Variants in POC5 observed in about 807,000 individuals in gnomAD.
The protein encoded by POC5 is POC5 centriolar protein, also known as centrosomal protein POC5.
Under a neutral mutation model 62.9 loss-of-function variants are expected in POC5, and 48 were observed. The ratio of observed to expected loss-of-function variants is 0.76; its 90% CI spans 0.61 to 0.97. The LOEUF (loss-of-function observed/expected upper bound fraction) is 0.97, where lower values mean the gene tolerates loss of function less well. Among genes scored for constraint, POC5 ranks in the 50% least tolerant of loss-of-function variants. The probability of loss-of-function intolerance (pLI) is 0.00; values close to 1 mark genes in which losing one functional copy is unlikely to be tolerated. For synonymous variants in POC5, 236 were observed against 228.2 expected (o/e 1.03, Z -0.31); for missense variants, 696 against 679.5 (o/e 1.02, Z -0.27).
chr5:75,674,408 A>C lies in POC5; in HGVS notation c.*27T>G. 6.2e-7 allele frequency: 1 copy of C among 1,609,368 alleles called. No individual in the cohort carries two copies. The highest frequency in any genetic ancestry group is 8.5e-7 in the Non-Finnish European group (1 of 1,177,522). ...ACCCTTGGTAAGACCAGAGGGATTAAAAGACCCCACTATGGACATATTCAC... is the reference window on the plus strand; with the variant it reads ...ACCCTTGGTAAGACCAGAGGGATTACAAGACCCCACTATGGACATATTCAC... On this transcript the variant is annotated 3_prime_UTR_variant, in exon 12 of 12. Transcript: ENST00000428202.
chr5:75,689,452 C>G (rs1776227035), intron 8 of POC5: 1 of 984,660 alleles, frequency 1.0e-6, no homozygotes, highest in South Asian at 4.7e-5. Flanking sequence ...AAAGATACAC[C>G]ATTTTTTACT....
intron 1 of POC5, among the ~76,000 whole-genome samples, chr5:75,715,328 AAAG>A (rs1207370696): frequency 7.3e-4 from 111 of 151,740 alleles, no homozygotes; most frequent in African/African-American, 2.5e-3. Flanking sequence ...AAAAAAAAAA[AAAG>A]AACTGCCCAA....
In POC5 at chr5:75,685,443, C is replaced by T; in HGVS notation, c.1171G>A (p.Gly391Ser). 1 of 1,613,170 alleles carries T rather than the reference C, an allele frequency of 6.2e-7. No individual in the cohort carries two copies. The highest frequency in any genetic ancestry group is 1.1e-5 in the South Asian group (1 of 91,076). ...GCAGAATGTTCTTTTCCTTGAACAC[C>T]AGGACCATACTCTTCCTTTTTATTA... ...TNNKKEEYGPGVQGKEHSAHL... is the reference protein window; with the variant it reads ...TNNKKEEYGPSVQGKEHSAHL... The change falls in exon 10 of 12, where the codon GGT (glycine) becomes AGT (serine). Residue 391 changes from glycine to serine, a missense_variant. Transcript: ENST00000428202.
rs545701894 is a variant in POC5 at position 75,674,369 on chromosome 5, C to T, written c.*66G>A. On this transcript the variant is annotated 3_prime_UTR_variant, in exon 12 of 12. Transcript: ENST00000428202. ...TTCTAACAATATGGAAAAGTTAAAA[C>T]CAAAAGACTTCTAACCCTTGGTAAG... The T allele has an allele frequency of 6.6e-6, 10 of 1,511,778 alleles. No homozygotes were observed. In the Admixed American group the frequency reaches 8.7e-5, roughly 13 times the overall value. 93.6% of individuals were successfully genotyped at this position (1,511,778 alleles called of 1,614,324 possible). A position where few individuals can be genotyped will look rare whatever the true frequency, so the allele number is the denominator to read the frequency against.
intron 4 of POC5, 50 bp from the exon 5 acceptor site, chr5:75,702,860 AG>A: frequency 7.0e-7 from 1 of 1,422,176 alleles, no homozygotes; most frequent in Non-Finnish European, 9.7e-7. Context: ...AAATAACTCA[AG>A]TTGGTAAGGA....
rs1777380793 is a variant in POC5, at chr5:75,712,335, A to C, written c.84+519T>G. 5 of 1,516,352 alleles carry C rather than the reference A, an allele frequency of 3.3e-6. No individual in the cohort carries two copies. In the East Asian group the frequency reaches 1.1e-4, roughly 34 times the overall value. The allele number at this position is 1,516,352 out of a possible 1,614,324, so 93.9% of individuals were successfully genotyped here. A position where few individuals can be genotyped will look rare whatever the true frequency, so the allele number is the denominator to read the frequency against. On this transcript the variant is annotated intron_variant, in intron 2 of 11. Coordinates refer to ENST00000428202, the MANE Select transcript of POC5 (RefSeq NM_001099271.2). ...ATATTTAGAAATAAGAGAAATTTAA[A>C]ACATTTCATGTAAATACCACACCCT...
At position 75,677,947 on chromosome 5, in the gene POC5, C is replaced by T. The variant is rs910460057; in HGVS notation, c.1411G>A (p.Val471Met). The change falls in exon 11 of 12, where the codon GTG (valine) becomes ATG (methionine). Residue 471 changes from valine to methionine, a missense_variant. Val to Met is a conservative substitution (Grantham distance 21, BLOSUM62 1). Transcript: ENST00000428202. Reference protein sequence around the residue: ...AATAASEEMYVPRVVTSAQQK... With the variant: ...AATAASEEMYMPRVVTSAQQK... Reference sequence around the variant, plus strand: ...TGTGCAGAGGTTACAACTCTTGGCACATACTAAGAAGAAAAAAAAATAAAA... The same window carrying T: ...TGTGCAGAGGTTACAACTCTTGGCATATACTAAGAAGAAAAAAAAATAAAA... 5 of 1,526,156 alleles carry T rather than the reference C, an allele frequency of 3.3e-6. No homozygotes were observed. The highest frequency in any genetic ancestry group is 1.3e-5 in the South Asian group (1 of 77,262). The allele number at this position is 1,526,156 out of a possible 1,614,324, so 94.5% of individuals were successfully genotyped here.
intron 1 of POC5, among the ~76,000 whole-genome samples, chr5:75,716,430 G>C (rs1388035377): frequency 6.7e-6 from 1 of 149,908 alleles, no homozygotes; most frequent in Non-Finnish European, 1.5e-5. Flanking sequence ...AGTAAGTATG[G>C]TCAGATCTCA....
chr5:75,703,671 TAGAA>T (rs1161920248), intron 4 of POC5, among the ~76,000 whole-genome samples: 1 of 152,072 alleles, frequency 6.6e-6, no homozygotes, highest in Non-Finnish European at 1.5e-5. Context: ...ACAATTTAAG[TAGAA>T]AGAGACTCAT....
chr5:75,674,719 C>T, intron 11 of POC5, 141 bp from the exon 12 acceptor site: 1 of 1,097,140 alleles, frequency 9.1e-7, no homozygotes, highest in Non-Finnish European at 1.3e-6. Context: ...AGTGAAGCAG[C>T]TGTTAATTAG....
At chr5:75,715,242 G>A (rs902307591) in intron 1 of POC5, among the ~76,000 whole-genome samples, 6 of 149,238 alleles carry the variant, frequency 4.0e-5, no homozygotes, top group Non-Finnish European at 8.9e-5. Context: ...CCCGGGAGGC[G>A]GAGCTCATAG....
intron 10 of POC5, 44 bp downstream of exon 10, chr5:75,685,163 G>A: frequency 6.5e-7 from 1 of 1,544,036 alleles, no homozygotes; most frequent in Non-Finnish European, 8.8e-7. Flanking sequence ...CACTGGGCCT[G>A]GCCGCCCTTT....
At position 75,674,417 on chromosome 5, in the gene POC5, A is replaced by G. The variant is rs374630611; in HGVS notation, c.*18T>C. 2.3e-5 allele frequency: 37 copies of G among 1,612,676 alleles called. No homozygotes were observed. Among genetic ancestry groups the G allele is most frequent in the Non-Finnish European group, 3.1e-5 (37 of 1,179,112 alleles). On this transcript the variant is annotated 3_prime_UTR_variant, in exon 12 of 12. Coordinates refer to ENST00000428202, the MANE Select transcript of POC5 (RefSeq NM_001099271.2). ...AAGACCAGAGGGATTAAAAGACCCC[A>G]CTATGGACATATTCACTTTAGTCAA... is the stretch of plus-strand genomic sequence containing the variant.
intron 5 of POC5, among the ~76,000 whole-genome samples, chr5:75,698,946 G>A (rs908021107): frequency 1.3e-5 from 2 of 152,154 alleles, no homozygotes; most frequent in African/African-American, 4.8e-5. Flanking sequence ...ACACCTCTAT[G>A]CAAATAAACT....
intron 9 of POC5, among the ~76,000 whole-genome samples, chr5:75,688,637 C>T (rs1056015055): frequency 1.3e-5 from 2 of 151,948 alleles, no homozygotes; most frequent in African/African-American, 4.8e-5. Context: ...CAAATACTTA[C>T]CAAAATAGTC....
chr5:75,681,001 T>C (rs1222009944), intron 10 of POC5, among the ~76,000 whole-genome samples: 1 of 152,174 alleles, frequency 6.6e-6, no homozygotes, highest in Non-Finnish European at 1.5e-5. Flanking sequence ...ATTTATCAGC[T>C]TAGCTGACTT....
chr5:75,676,850 A>T (rs575256062), intron 11 of POC5, among the ~76,000 whole-genome samples: 31 of 80,982 alleles, frequency 3.8e-4, no homozygotes, highest in Admixed American at 3.3e-3. Context: ...AATAAAAAAT[A>T]AATAAATAAA....
At chr5:75,709,482 A>T (rs1777255641) in intron 2 of POC5, 1 of 148,876 alleles carries the variant, frequency 6.7e-6, no homozygotes, top group African/African-American at 2.5e-5. Context: ...ATAAAACTTA[A>T]AAAAATTATT....
At chr5:75,692,658 C>G (rs901625592) in intron 6 of POC5, among the ~76,000 whole-genome samples, 158 bp from the exon 7 acceptor site, 1 of 152,004 alleles carries the variant, frequency 6.6e-6, no homozygotes, top group African/African-American at 2.4e-5. Context: ...GATGGTAAAA[C>G]TTTCTCACAT....
Sources: allele counts gnomAD v4.1 joint callset (sites outside exome capture counted in the v4.1 genomes callset), GRCh38; gene constraint gnomAD v4.1.1; transcripts MANE v1.5; gene names NCBI Gene and HGNC (gene_info 2026-07-23, HGNC 2026-07-21).